The following B3GALT1 variants were observed in gnomAD, a reference collection of about 807,000 sequenced individuals.
The protein encoded by B3GALT1 is UDP-Gal:betaGlcNAc beta 1,3-galactosyltransferase, polypeptide 1.
A neutral mutation model predicts 23.2 loss-of-function variants in B3GALT1; 10 were observed. The ratio of observed to expected loss-of-function variants is 0.43; its 90% CI spans 0.27 to 0.73. B3GALT1 has a LOEUF of 0.73. B3GALT1 is among the 30% of genes least tolerant of loss of function. The pLI is 0.21. For missense variants in B3GALT1, 299 were observed against 405.4 expected (o/e 0.74, Z 2.25); for synonymous variants, 156 against 141.5 (o/e 1.10, Z -0.73).
At chr2:167,679,562 G>T (rs532876281) in intron 3 of B3GALT1, among the ~76,000 whole-genome samples, 32 of 152,382 alleles carry the variant, frequency 2.1e-4, no homozygotes, top group African/African-American at 7.2e-4. Context: ...TTTCAACATT[G>T]TTCTTAATTC....
At position 167,476,895 on chromosome 2, in the gene B3GALT1, T is replaced by A. The variant is rs1699494840; in HGVS notation, c.-510-13282T>A. 2.0e-5 allele frequency among the ~76,000 whole-genome samples: 3 copies of A among 152,366 alleles called. No homozygotes were observed. The South Asian group carries it at 6.2e-4, about 32-fold the overall frequency. Reference sequence around the variant, plus strand: ...GTGAAGAAAAGAGAAAATACTTTTTTTCTGAATTTTCAGAAAGCCTCTCTT... The same window carrying A: ...GTGAAGAAAAGAGAAAATACTTTTTATCTGAATTTTCAGAAAGCCTCTCTT... On this transcript the variant is annotated intron_variant, in intron 1 of 4. Transcript: ENST00000392690.
At chr2:167,612,980 T>C (rs988167037) in intron 2 of B3GALT1, among the ~76,000 whole-genome samples, 2 of 152,060 alleles carry the variant, frequency 1.3e-5, no homozygotes, top group South Asian at 2.1e-4. Context: ...CAAAAATAAA[T>C]GTAGTGTTTT....
At chr2:167,397,208 A>ATTCTTCCCTCTCTCTCCTTCCT (rs1698113228) in intron 1 of B3GALT1, among the ~76,000 whole-genome samples, 1 of 151,332 alleles carries the variant, frequency 6.6e-6, no homozygotes, top group Non-Finnish European at 1.5e-5. Flanking sequence ...TCATTCATTC[A>ATTCTTCCCTCTCTCTCCTTCCT]TTCTTCCCTC....
intron 2 of B3GALT1, among the ~76,000 whole-genome samples, chr2:167,510,915 G>A (rs1291585952): frequency 6.6e-6 from 1 of 152,256 alleles, no homozygotes; most frequent in East Asian, 1.9e-4. Flanking sequence ...AAAGCTATGA[G>A]ATGGGATGTG....
rs534189979 is a variant in B3GALT1 at position 167,318,722 on chromosome 2, T to G, written c.-511+25388T>G. 3.3e-5 allele frequency among the ~76,000 whole-genome samples: 5 copies of G among 152,246 alleles called. No individual in the cohort carries two copies. In the South Asian group the frequency reaches 8.3e-4, roughly 25 times the overall value. On this transcript the variant is annotated intron_variant, in intron 1 of 4. Transcript: ENST00000392690. ...GGCTAAGGAGAGGAAAGAAATTTCT[T>G]CTTTAACATCCTGGATTCCCTGAGG...
intron 3 of B3GALT1, among the ~76,000 whole-genome samples, chr2:167,780,910 T>C (rs941887382): frequency 6.6e-6 from 1 of 152,234 alleles, no homozygotes; most frequent in African/African-American, 2.4e-5. Context: ...GAGGTGGTAG[T>C]GTACAACATT....
intron 2 of B3GALT1, among the ~76,000 whole-genome samples, chr2:167,545,682 C>G (rs1188572046): frequency 6.6e-6 from 1 of 152,124 alleles, no homozygotes; most frequent in Non-Finnish European, 1.5e-5. Flanking sequence ...CCAGGGCACC[C>G]TCACTTCAGA....
intron 2 of B3GALT1, among the ~76,000 whole-genome samples, chr2:167,571,780 G>T (rs1684297461): frequency 6.6e-6 from 1 of 151,846 alleles, no homozygotes; most frequent in Non-Finnish European, 1.5e-5. Flanking sequence ...CAGTATACAT[G>T]CCGGCATGAG....
intron 3 of B3GALT1, among the ~76,000 whole-genome samples, chr2:167,776,941 C>CTG (rs143675233): frequency 0.091 from 13,856 of 152,034 alleles, 1,439 homozygotes; most frequent in African/African-American, 0.22. Context: ...TGTTGCTTCT[C>CTG]TGTGTGTACA....
chr2:167,774,114 G>T (rs1486815441), intron 3 of B3GALT1, among the ~76,000 whole-genome samples: 1 of 152,034 alleles, frequency 6.6e-6, no homozygotes, highest in Admixed American at 6.6e-5. Flanking sequence ...AATTTGTTGA[G>T]CCATTCTGTG....
chr2:167,799,635 CAG>C (rs1273403773), intron 3 of B3GALT1, among the ~76,000 whole-genome samples: 5 of 152,168 alleles, frequency 3.3e-5, no homozygotes, highest in African/African-American at 7.2e-5. Context: ...CACATATAAA[CAG>C]AGAGTTTGAA....
chr2:167,847,862 AAG>A (rs1012282490), intron 4 of B3GALT1, among the ~76,000 whole-genome samples: 5 of 152,214 alleles, frequency 3.3e-5, no homozygotes, highest in African/African-American at 9.6e-5. Flanking sequence ...CCAAGAAAAG[AAG>A]AGAGAAAATC....
At chr2:167,856,250 T>G (rs1689997757) in intron 4 of B3GALT1, among the ~76,000 whole-genome samples, 1 of 152,128 alleles carries the variant, frequency 6.6e-6, no homozygotes, top group Non-Finnish European at 1.5e-5. Context: ...TGTTTTCTAT[T>G]TATGAAAAAC....
At chr2:167,348,300 T>C (rs1307683865) in intron 1 of B3GALT1, among the ~76,000 whole-genome samples, 1 of 152,232 alleles carries the variant, frequency 6.6e-6, no homozygotes, top group African/African-American at 2.4e-5. Flanking sequence ...CAGTAATTTT[T>C]ATATTGTTTC....
At chr2:167,478,626 T>C (rs1420753574) in intron 1 of B3GALT1, among the ~76,000 whole-genome samples, 1 of 152,042 alleles carries the variant, frequency 6.6e-6, no homozygotes, top group Non-Finnish European at 1.5e-5. Flanking sequence ...TGCAGGTTTG[T>C]TACATATGTA....
intron 2 of B3GALT1, among the ~76,000 whole-genome samples, chr2:167,533,538 G>A (rs1442786873): frequency 1.3e-5 from 2 of 151,958 alleles, no homozygotes; most frequent in Non-Finnish European, 2.9e-5. Flanking sequence ...TTTTTATCTT[G>A]CTGTATTCAT....
At chr2:167,565,548 A>G (rs1161774317) in intron 2 of B3GALT1, among the ~76,000 whole-genome samples, 1 of 152,230 alleles carries the variant, frequency 6.6e-6, no homozygotes, top group Non-Finnish European at 1.5e-5. Flanking sequence ...AGCAAAAGAA[A>G]CTACCATCAG....
intron 3 of B3GALT1, among the ~76,000 whole-genome samples, chr2:167,759,410 C>T (rs1415083743): frequency 6.6e-6 from 1 of 152,188 alleles, no homozygotes; most frequent in Non-Finnish European, 1.5e-5. Flanking sequence ...GAGAACTAGA[C>T]TAGGGGGGCA....
At chr2:167,817,328 T>C (rs1035619702) in intron 3 of B3GALT1, among the ~76,000 whole-genome samples, 1 of 152,200 alleles carries the variant, frequency 6.6e-6, no homozygotes, top group Non-Finnish European at 1.5e-5. Flanking sequence ...ATTCAGTAAA[T>C]GTGGGTAGTT....
Sources: allele counts gnomAD v4.1 joint callset (sites outside exome capture counted in the v4.1 genomes callset), GRCh38; gene constraint gnomAD v4.1.1; transcripts MANE v1.5; gene names NCBI Gene and HGNC (gene_info 2026-07-23, HGNC 2026-07-21).